Variants in DCLK1 observed in about 807,000 individuals in gnomAD.
DCLK1 encodes serine/threonine-protein kinase DCLK1.
DCLK1 carries 16 observed loss-of-function variants against 86.2 expected under a neutral mutation model. The ratio of observed to expected loss-of-function variants is 0.19; its 90% CI spans 0.13 to 0.28. DCLK1 has a LOEUF of 0.28. Ranked by LOEUF, DCLK1 falls within the 10% of genes least tolerant of loss-of-function variation. The pLI, the probability that DCLK1 is intolerant of heterozygous loss-of-function variation, is 1.00. For synonymous variants in DCLK1, 369 were observed against 370.5 expected, an observed-to-expected ratio of 1.00 and a Z score of 0.05; for missense variants, 590 against 940.2, an observed-to-expected ratio of 0.63 and a Z score of 4.87.
chr13:35,966,903 T>G (rs964792582), intron 3 of DCLK1, among the ~76,000 whole-genome samples: 3 of 152,014 alleles, frequency 2.0e-5, no homozygotes, highest in African/African-American at 4.8e-5. Context: ...GTGCCGAGAT[T>G]GCAGCCTCTG....
At chr13:35,832,712 C>T (rs1437000585) in intron 8 of DCLK1, among the ~76,000 whole-genome samples, 5 of 152,166 alleles carry the variant, frequency 3.3e-5, no homozygotes, top group African/African-American at 9.7e-5. Context: ...TCTCAGCCTC[C>T]TCCATAAAGA....
At chr13:35,844,306 C>T (rs895671209) in intron 6 of DCLK1, among the ~76,000 whole-genome samples, 5 of 152,152 alleles carry the variant, frequency 3.3e-5, no homozygotes, top group African/African-American at 7.2e-5. Context: ...GAGGAGAAAA[C>T]GCGAATGGAA....
intron 5 of DCLK1, among the ~76,000 whole-genome samples, chr13:35,861,432 G>A (rs934020378): frequency 3.3e-5 from 5 of 152,058 alleles, no homozygotes; most frequent in Non-Finnish European, 5.9e-5. Flanking sequence ...CCAACCAATC[G>A]CTGCAGGACA....
At chr13:36,003,776 C>G (rs932058403) in intron 3 of DCLK1, among the ~76,000 whole-genome samples, 1 of 152,104 alleles carries the variant, frequency 6.6e-6, no homozygotes, top group Non-Finnish European at 1.5e-5. Flanking sequence ...AAGAGATATA[C>G]GGCCATCCTG....
intron 1 of DCLK1, 56 bp from the exon 2 acceptor site, chr13:36,126,212 TATATA>T (rs751799976): frequency 2.3e-6 from 3 of 1,304,216 alleles, no homozygotes; most frequent in East Asian, 5.1e-5. Flanking sequence ...TATATATATA[TATATA>T]TTTTTTTGTT....
chr13:36,100,757 C>A (rs1478803905), intron 3 of DCLK1, among the ~76,000 whole-genome samples: 1 of 152,060 alleles, frequency 6.6e-6, no homozygotes, highest in African/African-American at 2.4e-5. Context: ...AGGCGACACC[C>A]CCTCAGTCTC....
At chr13:35,849,383 T>A in intron 6 of DCLK1, 3 of 985,170 alleles carry the variant, frequency 3.0e-6, no homozygotes, top group Non-Finnish European at 3.6e-6. Flanking sequence ...TGTAAAAGCC[T>A]CCAAATGGCA....
chr13:36,072,553 A>G (rs1409426953), intron 3 of DCLK1, among the ~76,000 whole-genome samples: 2 of 152,204 alleles, frequency 1.3e-5, no homozygotes, highest in Admixed American at 6.5e-5. Flanking sequence ...CCAACTGCCT[A>G]TGCAGTAACT....
At chr13:36,096,491 C>T (rs1885027031) in intron 3 of DCLK1, among the ~76,000 whole-genome samples, 1 of 152,082 alleles carries the variant, frequency 6.6e-6, no homozygotes, top group Non-Finnish European at 1.5e-5. Flanking sequence ...TTAAAATGCA[C>T]AATTAAGTCT....
At chr13:35,853,435 T>C (rs1870802061) in intron 6 of DCLK1, among the ~76,000 whole-genome samples, 1 of 152,132 alleles carries the variant, frequency 6.6e-6, no homozygotes, top group Non-Finnish European at 1.5e-5. Flanking sequence ...ATAACCAAAC[T>C]TGATATTTGG....
At chr13:35,869,622 ACTTCCTTTCTGTTTTC>A (rs1253780530) in intron 5 of DCLK1, among the ~76,000 whole-genome samples, 1 of 152,146 alleles carries the variant, frequency 6.6e-6, no homozygotes, top group Non-Finnish European at 1.5e-5. Flanking sequence ...TTCTGCATTT[ACTTCCTTTCTGTTTTC>A]CAAAACCCCC....
At chr13:36,127,417 G>T (rs1320294875) in intron 1 of DCLK1, among the ~76,000 whole-genome samples, 1 of 152,046 alleles carries the variant, frequency 6.6e-6, no homozygotes, top group Non-Finnish European at 1.5e-5. Flanking sequence ...AGAAATTGAG[G>T]CTTAAAGATG....
intron 3 of DCLK1, among the ~76,000 whole-genome samples, chr13:36,043,326 A>T (rs9315379): frequency 0.46 from 69,918 of 150,604 alleles, 16,341 homozygotes; most frequent in South Asian, 0.66. Flanking sequence ...CTAGAAATTT[A>T]AAAAAAAAAC....
chr13:35,954,841 T>TAA (rs201310630), intron 3 of DCLK1, among the ~76,000 whole-genome samples: 1 of 151,786 alleles, frequency 6.6e-6, no homozygotes, highest in African/African-American at 2.4e-5. Flanking sequence ...GACTTTTTTT[T>TAA]AAAAAAAATG....
At chr13:36,006,170 C>T (rs1008735962) in intron 3 of DCLK1, among the ~76,000 whole-genome samples, 2 of 152,000 alleles carry the variant, frequency 1.3e-5, no homozygotes, top group Non-Finnish European at 2.9e-5. Context: ...TATCCCAGAA[C>T]TTAAAAGAAA....
intron 3 of DCLK1, among the ~76,000 whole-genome samples, chr13:36,005,134 G>A (rs576826538): frequency 7.2e-5 from 11 of 152,032 alleles, no homozygotes; most frequent in South Asian, 2.1e-4. Flanking sequence ...GTCAAAAACC[G>A]CATTTACTTA....
intron 3 of DCLK1, among the ~76,000 whole-genome samples, chr13:35,998,385 A>G (rs1566638764): frequency 6.6e-6 from 1 of 152,170 alleles, no homozygotes; most frequent in Non-Finnish European, 1.5e-5. Flanking sequence ...TCTCCTGCGA[A>G]TGCAGAAACC....
chr13:35,871,885 G>T (rs1469676960), intron 4 of DCLK1, among the ~76,000 whole-genome samples: 1 of 152,168 alleles, frequency 6.6e-6, no homozygotes, highest in Admixed American at 6.5e-5. Flanking sequence ...TGAAGAGGTG[G>T]TATTTCCCTG....
intron 10 of DCLK1, among the ~76,000 whole-genome samples, chr13:35,823,177 A>G (rs1926454): frequency 0.33 from 49,538 of 151,902 alleles, 9,345 homozygotes; most frequent in African/African-American, 0.53. Context: ...AGATGCAGCT[A>G]GATCTCCAGG....
Sources: allele counts gnomAD v4.1 joint callset (sites outside exome capture counted in the v4.1 genomes callset), GRCh38; gene constraint gnomAD v4.1.1; transcripts MANE v1.5; gene names NCBI Gene and HGNC (gene_info 2026-07-23, HGNC 2026-07-21).